HYDIN: variants seen among roughly 807,000 people sequenced by gnomAD.
The protein encoded by HYDIN is HYDIN axonemal central pair apparatus protein.
A neutral mutation model predicts 403.9 loss-of-function variants in HYDIN; 132 were observed. That is an observed-to-expected ratio of 0.33 (90% CI 0.28 to 0.38). The LOEUF (loss-of-function observed/expected upper bound fraction) is 0.38. HYDIN is among the 10% of genes least tolerant of loss of function. The pLI, the probability that HYDIN is intolerant of heterozygous loss-of-function variation, is 1.00. For synonymous variants in HYDIN, 1,202 were observed against 1,891.7 expected (o/e 0.64, Z 9.46); for missense variants, 2,827 against 5,009.5 (o/e 0.56, Z 13.15).
rs1241906843 is a variant in HYDIN at position 71,219,928 on chromosome 16, T to C, written c.-24+10634A>G. Among the ~76,000 whole-genome samples the C allele has an allele frequency of 3.3e-5, 5 of 152,172 alleles. No individual in the cohort carries two copies. The South Asian group carries it at 6.2e-4, about 19-fold the overall frequency. On this transcript the variant is annotated intron_variant, in intron 1 of 85. Transcript: ENST00000393567. ...GAAAAAGTTTGCCCTCAGGAATGAGTTGTCGTTTCACTTTTAATGATGGTA... is the reference window on the plus strand; with the variant it reads ...GAAAAAGTTTGCCCTCAGGAATGAGCTGTCGTTTCACTTTTAATGATGGTA...
At chr16:71,117,451 T>C (rs1429615128) in intron 9 of HYDIN, among the ~76,000 whole-genome samples, 1 of 152,184 alleles carries the variant, frequency 6.6e-6, no homozygotes, top group South Asian at 2.1e-4. Context: ...CTTTGCCCCA[T>C]GCTCAGTCAG....
chr16:71,143,865 A>T (rs553246609), intron 7 of HYDIN, among the ~76,000 whole-genome samples: 1 of 152,308 alleles, frequency 6.6e-6, no homozygotes, highest in Non-Finnish European at 1.5e-5. Context: ...TAAAATATGT[A>T]AATTACTATA....
chr16:71,055,787 G>A (rs1174276268), intron 18 of HYDIN, among the ~76,000 whole-genome samples: 1 of 151,786 alleles, frequency 6.6e-6, no homozygotes, highest in Non-Finnish European at 1.5e-5. Flanking sequence ...GAGTCCCAAG[G>A]TGTCACTGAC....
chr16:70,970,845 T>G, intron 35 of HYDIN, 86 bp from the exon 36 acceptor site: 1 of 1,320,464 alleles, frequency 7.6e-7, no homozygotes, highest in South Asian at 1.4e-5. Context: ...GGGAAAAAAC[T>G]TATCTATTTA....
chr16:71,178,483 A>AT (rs1227643872), intron 4 of HYDIN, among the ~76,000 whole-genome samples: 1 of 148,960 alleles, frequency 6.7e-6, no homozygotes, highest in African/African-American at 2.4e-5. Flanking sequence ...ACATACATAT[A>AT]TATATATACA....
At chr16:71,139,337 A>G (rs1412533332) in intron 7 of HYDIN, among the ~76,000 whole-genome samples, 8 of 152,302 alleles carry the variant, frequency 5.3e-5, no homozygotes, top group Non-Finnish European at 1.2e-4. Flanking sequence ...TAAAAAGCAC[A>G]TAACCAAAAC....
intron 9 of HYDIN, 137 bp downstream of exon 9, chr16:71,129,503 G>A (rs1410695417): frequency 5.9e-6 from 4 of 674,390 alleles, no homozygotes; most frequent in South Asian, 2.0e-5. Context: ...GTCTCACAGT[G>A]ATGGTGAGTT....
intron 57 of HYDIN, among the ~76,000 whole-genome samples, chr16:70,890,306 C>T (rs2041393731): frequency 6.6e-6 from 1 of 152,212 alleles, no homozygotes; most frequent in South Asian, 2.1e-4. Flanking sequence ...ATGACCAGAA[C>T]ACGTGAAGTT....
intron 18 of HYDIN, among the ~76,000 whole-genome samples, chr16:71,040,441 G>A (rs2081247830): frequency 6.7e-6 from 1 of 148,662 alleles, no homozygotes; most frequent in Non-Finnish European, 1.5e-5. Flanking sequence ...CTTTGAGAAA[G>A]CCAGGAACCC....
At chr16:71,175,828 C>T (rs12933249) in intron 4 of HYDIN, 87 bp from the exon 5 acceptor site, 17,440 of 1,362,840 alleles carry the variant, frequency 0.013, 172 homozygotes, top group Non-Finnish European at 0.015. Flanking sequence ...ACTTACTAGA[C>T]GTGTGACCTT....
In HYDIN at chr16:71,215,128, C is replaced by T. The variant is rs186765280; in HGVS notation, c.-24+15434G>A. Among the ~76,000 whole-genome samples, 150 of 152,150 alleles carry T rather than the reference C, an allele frequency of 9.9e-4. 1 individual carries two copies. The highest frequency in any genetic ancestry group is 6.8e-3 in the Middle Eastern group (2 of 294). On this transcript the variant is annotated intron_variant, in intron 1 of 85. Transcript: ENST00000393567. The stretch of plus-strand genomic sequence containing the variant: ...ATAGAGGCCAACTTGCAGGGTTCTC[C>T]CATTGGCCAAAGACAGGATAAAACT...
chr16:70,838,364 T>C (rs965301415), intron 76 of HYDIN, among the ~76,000 whole-genome samples: 2 of 152,056 alleles, frequency 1.3e-5, no homozygotes, highest in Non-Finnish European at 2.9e-5. Context: ...CTAATTTTTG[T>C]ATTTTTAGTA....
At chr16:70,888,071 G>A (rs1432590823) in intron 58 of HYDIN, among the ~76,000 whole-genome samples, 2 of 152,196 alleles carry the variant, frequency 1.3e-5, no homozygotes, top group African/African-American at 4.8e-5. Flanking sequence ...TTCAATTCCA[G>A]AATCTCCATT....
chr16:71,016,982 G>C (rs2144115192), intron 23 of HYDIN, among the ~76,000 whole-genome samples: 1 of 151,320 alleles, frequency 6.6e-6, no homozygotes, highest in African/African-American at 2.4e-5. Context: ...GGATCACGCA[G>C]GTGGTTTCCC....
Position 70,882,877 on chromosome 16 carries a change from T to C in HYDIN, c.9998A>G (p.Asn3333Ser), listed in dbSNP as rs368093648. ...ACLPAFVTEN[N>S]ALIFEEHQIC... ...CTGGTGCTCTTCAAATATCAAGGCA[T>C]TGTTTTCGGTCACGAAGGCTGGGGA... is the stretch of plus-strand genomic sequence containing the variant. Residue 3333 changes from asparagine (N) to serine (S), a missense_variant, in exon 60 of 86, where the codon AAT (asparagine) becomes AGT (serine). Asn to Ser is a conservative substitution (Grantham distance 46). Coordinates refer to ENST00000393567, the MANE Select transcript of HYDIN (RefSeq NM_001270974.2). 1.5e-5 allele frequency: 23 copies of C among 1,583,080 alleles called. No individual in the cohort carries two copies. The highest frequency in any genetic ancestry group is 1.1e-5 in the South Asian group (1 of 90,280).
chr16:70,826,759 CTAGA>C (rs2036624560), intron 83 of HYDIN, among the ~76,000 whole-genome samples: 1 of 144,054 alleles, frequency 6.9e-6, no homozygotes, highest in South Asian at 2.2e-4. Context: ...GTGTGTGTTC[CTAGA>C]TACTTTCTTT....
rs555620086 is a variant in HYDIN at position 70,943,230 on chromosome 16, A to G, written c.6669+582T>C. Reference sequence around the variant, plus strand: ...ACTGTAGAATTCTTATGGAAAAAAAATTAAAAATTAGAAAGAGTGTTACTG... The same window carrying G: ...ACTGTAGAATTCTTATGGAAAAAAAGTTAAAAATTAGAAAGAGTGTTACTG... On this transcript the variant is annotated intron_variant, in intron 42 of 85. Transcript: ENST00000393567. Among the ~76,000 whole-genome samples, 24 of 152,290 alleles carry G rather than the reference A, an allele frequency of 1.6e-4. 1 individual carries two copies. In the South Asian group the frequency reaches 5.0e-3, roughly 32 times the overall value.
intron 10 of HYDIN, among the ~76,000 whole-genome samples, chr16:71,098,788 T>C (rs1752030993): frequency 7.3e-6 from 1 of 137,368 alleles, no homozygotes; most frequent in South Asian, 2.3e-4. Flanking sequence ...AGTGAGCCAA[T>C]GTTTCTTTGG....
intron 38 of HYDIN, among the ~76,000 whole-genome samples, chr16:70,960,864 T>C (rs572549566): frequency 2.4e-4 from 36 of 152,270 alleles, no homozygotes; most frequent in African/African-American, 7.7e-4. Context: ...GCTAATTTTT[T>C]GTATTTTTAG....
Sources: gnomAD v4.1 joint callset for allele counts (sites outside exome capture counted in the v4.1 genomes callset) on GRCh38, gnomAD v4.1.1 for gene constraint, MANE v1.5 for transcripts, NCBI Gene and HGNC (gene_info 2026-07-23, HGNC 2026-07-21) for gene names.